TREML1: variants seen among roughly 807,000 people sequenced by gnomAD.
TREML1 encodes the protein triggering receptor expressed on myeloid cells like 1, also known as trem-like transcript 1 protein.
A neutral mutation model predicts 22.8 loss-of-function variants in TREML1; 27 were observed. That is an observed-to-expected ratio of 1.19 (90% CI 0.87 to 1.64). The LOEUF is 1.64. TREML1 is among the 40% of genes most tolerant of loss of function. The pLI is 0.00. For missense variants in TREML1, 356 were observed against 382.0 expected (o/e 0.93, Z 0.57); for synonymous variants, 153 against 161.9 (o/e 0.94, Z 0.42).
rs1020904777 is a variant in TREML1, at chr6:41,149,407, T to C, written c.*197A>G. The C allele has an allele frequency of 1.9e-5, 11 of 571,534 alleles. No individual in the cohort carries two copies. The highest frequency in any genetic ancestry group is 3.1e-5 in the Non-Finnish European group (10 of 326,294). 35.4% of individuals were successfully genotyped at this position (571,534 alleles called of 1,614,324 possible). Reference sequence around the variant, plus strand: ...ATGGTAGAAGAACCAGTGGGGGAGTTGGGTGCAGGGAGGTCTTCCCCAAGA... The same window carrying C: ...ATGGTAGAAGAACCAGTGGGGGAGTCGGGTGCAGGGAGGTCTTCCCCAAGA... On this transcript the variant is annotated 3_prime_UTR_variant, in exon 6 of 6. Transcript: ENST00000426005.
At chr6:41,150,042 T>C in intron 5 of TREML1, 124 bp from the exon 6 acceptor site, 1 of 1,085,762 alleles carries the variant, frequency 9.2e-7, no homozygotes, top group Non-Finnish European at 1.3e-6. Context: ...CAAGAGGGCT[T>C]CATTGTGAAG....
upstream of TREML1, among the ~76,000 whole-genome samples, chr6:41,155,328 G>T (rs528981509): frequency 1.3e-5 from 2 of 149,444 alleles, no homozygotes; most frequent in Admixed American, 6.7e-5. Context: ...AGATTTGCTC[G>T]CATTCTTCCT....
chr6:41,150,742 G>T, intron 4 of TREML1, 77 bp downstream of exon 4: 1 of 1,326,104 alleles, frequency 7.5e-7, no homozygotes, highest in South Asian at 1.2e-5. Flanking sequence ...ATTGGACCTA[G>T]ACTCCTGGCC....
intron 2 of TREML1, among the ~76,000 whole-genome samples, chr6:41,153,490 A>G (rs772701443): frequency 3.7e-4 from 57 of 152,228 alleles, no homozygotes; most frequent in Middle Eastern, 3.4e-3. Context: ...TGCTGGAAGA[A>G]GAGGCCAAGT....
intron 3 of TREML1, 80 bp downstream of exon 3, chr6:41,151,202 A>G (rs1021022088): frequency 1.6e-6 from 2 of 1,273,626 alleles, no homozygotes; most frequent in African/African-American, 2.9e-5. Context: ...TTCCCCTTCG[A>G]TTTAGTTTGG....
chr6:41,149,990 C>T (rs1327632277), intron 5 of TREML1, 72 bp from the exon 6 acceptor site: 15 of 1,425,258 alleles, frequency 1.1e-5, no homozygotes, highest in Non-Finnish European at 1.5e-5. Context: ...AAGCCCAGGA[C>T]CACACTAGAT....
chr6:41,150,768 G>T, intron 4 of TREML1, 51 bp downstream of exon 4: 2 of 1,537,104 alleles, frequency 1.3e-6, no homozygotes, highest in Non-Finnish European at 9.0e-7. Flanking sequence ...TGCACAACTG[G>T]TTGATACTGG....
At chr6:41,150,386 T>C in intron 4 of TREML1, 73 bp from the exon 5 acceptor site, 1 of 1,476,990 alleles carries the variant, frequency 6.8e-7, no homozygotes, top group Non-Finnish European at 9.3e-7. Flanking sequence ...CTCCCTTCCT[T>C]CAGAAGCCTC....
rs746868621 is a variant in TREML1 at position 41,149,809 on chromosome 6, G to A, written c.731C>T (p.Thr244Ile). Reference sequence around the variant, plus strand: ...GGAATCAAGAGGTAGGCTGGTGTAGGTGGTATTGTCAAATGAAGGTGGTGA... The same window carrying A: ...GGAATCAAGAGGTAGGCTGGTGTAGATGGTATTGTCAAATGAAGGTGGTGA... ...LDSPPSFDNT[T>I]YTSLPLDSPS... Residue 244 changes from threonine to isoleucine, a missense_variant, in exon 6 of 6, where the codon ACC (threonine) becomes ATC (isoleucine). Thr to Ile is a moderately conservative substitution (Grantham distance 89). Transcript: ENST00000426005. 41 of 1,614,152 alleles carry A rather than the reference G, an allele frequency of 2.5e-5. No individual in the cohort carries two copies. In the South Asian group the frequency reaches 3.7e-4, roughly 15 times the overall value.
In TREML1 at chr6:41,150,349, C is replaced by T. The variant is rs189963003; in HGVS notation, c.569-36G>A. 1.4e-5 allele frequency: 22 copies of T among 1,608,894 alleles called. No homozygotes were observed. In the East Asian group the frequency reaches 2.2e-4, roughly 16 times the overall value. On this transcript the variant is annotated intron_variant, in intron 4 of 5. Transcript: ENST00000426005. Reference sequence around the variant, plus strand: ...AGACAACAGCAGCATAGTCTGCTTCCGGGGCTGGCTCAGAGCCCTTCCCTC... The same window carrying T: ...AGACAACAGCAGCATAGTCTGCTTCTGGGGCTGGCTCAGAGCCCTTCCCTC...
Position 41,149,501 on chromosome 6 carries a change from C to G in TREML1, c.*103G>C. ...GACATTGGATTAGATCTTAAAGTCC[C>G]TGGTTGCTCAGATATCCTAAGGATC... On this transcript the variant is annotated 3_prime_UTR_variant, in exon 6 of 6. Coordinates refer to ENST00000426005, the MANE Select transcript of TREML1 (RefSeq NM_178174.4). 1 of 1,260,082 alleles carries G rather than the reference C, an allele frequency of 7.9e-7. No individual in the cohort carries two copies. The highest frequency in any genetic ancestry group is 1.1e-6 in the Non-Finnish European group (1 of 900,228). The allele number at this position is 1,260,082 out of a possible 1,614,324, so 78.1% of individuals were successfully genotyped here.
chr6:41,151,241 C>A (rs1185573924), intron 3 of TREML1, 41 bp downstream of exon 3: 1 of 1,549,224 alleles, frequency 6.5e-7, no homozygotes, highest in Non-Finnish European at 8.9e-7. Flanking sequence ...GTCTCCACCA[C>A]CACCCTTCTC....
At position 41,153,267 on chromosome 6, in the gene TREML1, AC is replaced by A. The variant is rs1311817344; in HGVS notation, c.376+490del. On this transcript the variant is annotated intron_variant, in intron 2 of 5. Transcript: ENST00000426005. ...TTGAAGTTGTTCAGGCACTGAATGT[AC>A]CTACTTGTAGGTGAGACATACTAGA... 2.0e-5 allele frequency among the ~76,000 whole-genome samples: 3 copies of A among 146,830 alleles called. No individual in the cohort carries two copies. The South Asian group carries it at 6.9e-4, about 34-fold the overall frequency.
In TREML1 at chr6:41,154,344, G is replaced by T; in HGVS notation, c.-56C>A. 2.0e-6 allele frequency: 3 copies of T among 1,489,912 alleles called. No homozygotes were observed. The highest frequency in any genetic ancestry group is 1.1e-5 in the South Asian group (1 of 87,758). The allele number at this position is 1,489,912 out of a possible 1,614,324, so 92.3% of individuals were successfully genotyped here. On this transcript the variant is annotated 5_prime_UTR_variant, in exon 1 of 6. Coordinates refer to ENST00000426005, the MANE Select transcript of TREML1 (RefSeq NM_178174.4). ...TTGCCTGGGCACTGATGCAGCATTC[G>T]CCTGAGGGCAGGAAACATCTGCCTC... is the stretch of plus-strand genomic sequence containing the variant.
chr6:41,150,342 C>CT, intron 4 of TREML1, 29 bp from the exon 5 acceptor site: 1 of 1,612,212 alleles, frequency 6.2e-7, no homozygotes, highest in Non-Finnish European at 8.5e-7. Context: ...GCAGCATAGT[C>CT]TGCTTCCGGG....
upstream of TREML1, among the ~76,000 whole-genome samples, chr6:41,155,375 TTCTCTCTCTCTC>T (rs3049085): frequency 2.9e-5 from 4 of 136,830 alleles, no homozygotes; most frequent in East Asian, 8.8e-4. Context: ...GAGTAAACGT[TTCTCTCTCTCTC>T]TCTCTCTCTC....
chr6:41,150,939 A>T, intron 3 of TREML1, 32 bp from the exon 4 acceptor site: 2 of 1,592,560 alleles, frequency 1.3e-6, no homozygotes, highest in Non-Finnish European at 1.7e-6. Flanking sequence ...GCAGGCTTAG[A>T]CCTGAAGCCT....
rs2113867143 is a variant in TREML1 at position 41,151,294 on chromosome 6, T to A, written c.467A>T (p.Gln156Leu). ...ATCCTGTCAGTACCTCTTCTCATCC[T>A]GGCTGGGTTCCAAAGGGTTGGCACT... ...AGSANPLEPS[Q>L]DEKSIPLIWG... The change falls in exon 3 of 6, where the codon CAG (glutamine) becomes CTG (leucine). Residue 156 changes from glutamine to leucine, a missense_variant. By Grantham distance (113) the Gln-to-Leu change is moderately radical. Coordinates refer to ENST00000426005, the MANE Select transcript of TREML1 (RefSeq NM_178174.4). 1 of 1,614,202 alleles carries A rather than the reference T, an allele frequency of 6.2e-7. No homozygotes were observed. The highest frequency in any genetic ancestry group is 2.2e-5 in the East Asian group (1 of 44,886).
rs755284715 is a variant in TREML1, at chr6:41,153,937, G to T, written c.197C>A (p.Ala66Asp). 5.0e-6 allele frequency: 8 copies of T among 1,614,200 alleles called. No individual in the cohort carries two copies. The highest frequency in any genetic ancestry group is 6.8e-6 in the Non-Finnish European group (8 of 1,180,032). Residue 66 changes from alanine to aspartate, a missense_variant, in exon 2 of 6, where the codon GCT (alanine) becomes GAT (aspartate). Ala to Asp is a moderately radical substitution (Grantham distance 126, BLOSUM62 -2). Transcript: ENST00000426005. ...GCCCGCTGGAGCTCTGCGATCCACA[G>T]CTGAGGACACCAGGGGCTGGCACCC... Reference protein sequence around the residue: ...PEGCQPLVSSAVDRRAPAGRR... With the variant: ...PEGCQPLVSSDVDRRAPAGRR...
Sources: gnomAD v4.1 joint callset for allele counts (sites outside exome capture counted in the v4.1 genomes callset) on GRCh38, gnomAD v4.1.1 for gene constraint, MANE v1.5 for transcripts, NCBI Gene and HGNC (gene_info 2026-07-23, HGNC 2026-07-21) for gene names.